The following KNL1 variants were observed in gnomAD, a reference collection of about 807,000 sequenced individuals.
KNL1 encodes the protein outer kinetochore KNL1 complex subunit KNL1.
KNL1 carries 66 observed loss-of-function variants against 201.3 expected under a neutral mutation model. The observed-to-expected ratio is 0.33, with a 90% confidence interval of 0.27 to 0.40. KNL1 has a LOEUF of 0.40. KNL1 is among the 10% of genes least tolerant of loss of function. The pLI is 1.00. For synonymous variants in KNL1, 895 were observed against 899.2 expected (o/e 1.00, Z 0.08); for missense variants, 2,815 against 2,690.5 (o/e 1.05, Z -1.02).
rs762023853 is a variant in KNL1, at chr15:40,624,011, T to C, written c.3747T>C (p.Ser1249=). Residue 1249 remains serine (S), a synonymous_variant, in exon 10 of 26, where the codon AGT becomes AGC. Coordinates refer to ENST00000399668, the MANE Select transcript of KNL1 (RefSeq NM_144508.5). The part of the protein sequence containing the change: ...RTTNEIIKFH[S]AAMDEKVIGK... ...CTAATGAAATCATCAAATTTCATAGTGCTGCTATGGATGAAAAGGTCATAG... is the reference window on the plus strand; with the variant it reads ...CTAATGAAATCATCAAATTTCATAGCGCTGCTATGGATGAAAAGGTCATAG... 1 of 1,613,920 alleles carries C rather than the reference T, an allele frequency of 6.2e-7. No individual in the cohort carries two copies. The highest frequency in any genetic ancestry group is 1.7e-5 in the Admixed American group (1 of 60,024).
chr15:40,651,940 T>A, intron 20 of KNL1, 65 bp from the exon 21 acceptor site: 1 of 1,067,206 alleles, frequency 9.4e-7, no homozygotes, highest in Non-Finnish European at 1.4e-6. Flanking sequence ...TTGGGTGGTA[T>A]CAGAAGTTCT....
chr15:40,662,696 A>G lies in KNL1; in HGVS notation c.*508A>G. On this transcript the variant is annotated 3_prime_UTR_variant, in exon 26 of 26. Transcript: ENST00000399668. ...AAAGTAGGGCTGGGTGCGGTGGCTCACACCTGTAATACCAGCAGTTTGGGA... is the reference window on the plus strand; with the variant it reads ...AAAGTAGGGCTGGGTGCGGTGGCTCGCACCTGTAATACCAGCAGTTTGGGA... The G allele has an allele frequency of 5.4e-6, 1 of 183,884 alleles. No individual in the cohort carries two copies. Among genetic ancestry groups the G allele is most frequent in the East Asian group, 8.9e-5 (1 of 11,240 alleles). The allele number at this position is 183,884 out of a possible 1,614,324, so 11.4% of individuals were successfully genotyped here.
intron 11 of KNL1, 126 bp downstream of exon 11, chr15:40,628,334 G>A: frequency 1.1e-6 from 1 of 935,874 alleles, no homozygotes; most frequent in Non-Finnish European, 1.5e-6. Context: ...AAGTTGATCA[G>A]TAAAATAATA....
At chr15:40,654,515 C>A (rs997890094) in intron 21 of KNL1, among the ~76,000 whole-genome samples, 8 of 149,224 alleles carry the variant, frequency 5.4e-5, no homozygotes, top group Admixed American at 4.1e-4. Context: ...AACTCTGCTA[C>A]ACAGAAGGAG....
At chr15:40,619,758 A>G (rs1892454800) in intron 9 of KNL1, among the ~76,000 whole-genome samples, 1 of 152,132 alleles carries the variant, frequency 6.6e-6, no homozygotes, top group Non-Finnish European at 1.5e-5. Context: ...AGACTTTTAA[A>G]ATTTAGGATA....
chr15:40,654,849 A>G lies in KNL1; in HGVS notation c.6416-60A>G. 4 of 1,291,394 alleles carry G rather than the reference A, an allele frequency of 3.1e-6. No individual in the cohort carries two copies. The South Asian group carries it at 4.7e-5, about 15-fold the overall frequency. 80.0% of individuals were successfully genotyped at this position (1,291,394 alleles called of 1,614,324 possible). A position where few individuals can be genotyped will look rare whatever the true frequency, so the allele number is the denominator to read the frequency against. On this transcript the variant is annotated intron_variant, in intron 21 of 25. Coordinates refer to ENST00000399668, the MANE Select transcript of KNL1 (RefSeq NM_144508.5). ...GCGCCATTGCACTCCAGCCTGGGAG[A>G]CAAAGTGAGACTCTCTGTCTAAAAA...
intron 13 of KNL1, among the ~76,000 whole-genome samples, chr15:40,637,788 A>G (rs1328627245): frequency 6.6e-6 from 1 of 152,218 alleles, no homozygotes; most frequent in Non-Finnish European, 1.5e-5. Flanking sequence ...TATAAGATAT[A>G]TATGAAACAT....
At chr15:40,651,278 C>G (rs180944921) in intron 19 of KNL1, among the ~76,000 whole-genome samples, 193 bp from the exon 20 acceptor site, 1 of 134,136 alleles carries the variant, frequency 7.5e-6, no homozygotes, top group Admixed American at 8.0e-5. Context: ...AGACCCACTT[C>G]TAGATTAATG....
intron 7 of KNL1, among the ~76,000 whole-genome samples, chr15:40,614,161 A>T (rs1171101537): frequency 8.2e-6 from 1 of 122,674 alleles, no homozygotes; most frequent in Non-Finnish European, 1.7e-5. Flanking sequence ...GCAGTGGCCT[A>T]ATCTTGGCTC....
intron 2 of KNL1, 81 bp from the exon 3 acceptor site, chr15:40,605,029 T>G: frequency 1.3e-6 from 1 of 752,774 alleles, no homozygotes; most frequent in Non-Finnish European, 2.4e-6. Flanking sequence ...TTTGAAAGCA[T>G]GTAAGGGGTG....
intron 8 of KNL1, among the ~76,000 whole-genome samples, chr15:40,617,355 A>G (rs1892374938): frequency 6.6e-6 from 1 of 151,614 alleles, no homozygotes; most frequent in Non-Finnish European, 1.5e-5. Context: ...CTTCAGTGCT[A>G]TCCAAAGTGT....
chr15:40,651,843 G>A (rs776327772), intron 20 of KNL1, among the ~76,000 whole-genome samples, 162 bp from the exon 21 acceptor site: 5 of 152,090 alleles, frequency 3.3e-5, no homozygotes, highest in Non-Finnish European at 7.4e-5. Context: ...TATTTCAAAA[G>A]CTTAAGTTTG....
chr15:40,626,165 A>G (rs1304338063), intron 10 of KNL1: 3 of 151,804 alleles, frequency 2.0e-5, no homozygotes, highest in Admixed American at 1.3e-4. Flanking sequence ...ATTTTATTTT[A>G]TTTTTGAGAC....
rs1187580101 is a variant in KNL1 at position 40,625,338 on chromosome 15, A to G, written c.5074A>G (p.Lys1692Glu). 6.2e-7 allele frequency: 1 copy of G among 1,614,014 alleles called. No individual in the cohort carries two copies. The highest frequency in any genetic ancestry group is 1.3e-5 in the African/African-American group (1 of 74,930). Reference sequence around the variant, plus strand: ...CTTAGAAACTCAGCCGGTCTCTAGCAAAGATTCAGGCATTGGATCTGTTGC... The same window carrying G: ...CTTAGAAACTCAGCCGGTCTCTAGCGAAGATTCAGGCATTGGATCTGTTGC... Reference protein sequence around the residue: ...NHLETQPVSSKDSGIGSVAGK... With the variant: ...NHLETQPVSSEDSGIGSVAGK... Residue 1692 changes from lysine to glutamate, a missense_variant, in exon 10 of 26, where the codon AAA (lysine) becomes GAA (glutamate). Physicochemically the swap from Lys to Glu is moderately conservative, Grantham distance 56 (BLOSUM62 1). Around this residue, in one of 3 missense-constraint regions of KNL1, gnomAD observed 2,464 missense variants for 2,291.7 expected, o/e 1.08. Coordinates refer to ENST00000399668, the MANE Select transcript of KNL1 (RefSeq NM_144508.5).
intron 22 of KNL1, 50 bp downstream of exon 22, chr15:40,655,027 A>C: frequency 7.2e-7 from 1 of 1,388,358 alleles, no homozygotes; most frequent in Non-Finnish European, 1.0e-6. Flanking sequence ...GCTGGGCACT[A>C]TGGCTCATGC....
rs558991560 is a variant in KNL1, at chr15:40,627,323, G to A, written c.5377-747G>A. Among the ~76,000 whole-genome samples, 7 of 152,290 alleles carry A rather than the reference G, an allele frequency of 4.6e-5. No individual in the cohort carries two copies. The South Asian group carries it at 1.2e-3, about 27-fold the overall frequency. On this transcript the variant is annotated intron_variant, in intron 10 of 25. Transcript: ENST00000399668. ...AGATCAGGAGATCAAGACCATCCTG[G>A]CTAACACGGTGAAACCCTGTCTCTA...
At chr15:40,601,961 CCT>C (rs1891811317) in intron 1 of KNL1, among the ~76,000 whole-genome samples, 1 of 141,856 alleles carries the variant, frequency 7.0e-6, no homozygotes, top group African/African-American at 2.6e-5. Context: ...TCCGCCTCAG[CCT>C]CCCTAGTAGC....
intron 17 of KNL1, among the ~76,000 whole-genome samples, chr15:40,649,660 A>G (rs1182932394): frequency 6.6e-6 from 1 of 151,476 alleles, no homozygotes; most frequent in African/African-American, 2.4e-5. Flanking sequence ...GCTGGGGTGC[A>G]GTGGCATGAT....
intron 14 of KNL1, among the ~76,000 whole-genome samples, chr15:40,644,073 G>A (rs1007330648): frequency 3.3e-5 from 5 of 152,266 alleles, no homozygotes; most frequent in East Asian, 1.9e-4. Context: ...CCAGGGGACC[G>A]GCTCTCAGCA....
Sources: allele counts gnomAD v4.1 joint callset (sites outside exome capture counted in the v4.1 genomes callset), GRCh38; gene constraint gnomAD v4.1.1; regional missense constraint gnomAD v4.1.1; transcripts MANE v1.5; gene names NCBI Gene and HGNC (gene_info 2026-07-23, HGNC 2026-07-21).